Variants in KLHL29 observed in about 807,000 individuals in gnomAD.
The protein encoded by KLHL29 is kelch like family member 29.
Under a neutral mutation model 80.4 loss-of-function variants are expected in KLHL29, and 21 were observed. That is an observed-to-expected ratio of 0.26 (90% CI 0.19 to 0.38). The LOEUF is 0.38. Among genes scored for constraint, KLHL29 ranks in the 10% least tolerant of loss-of-function variants. KLHL29 has a pLI of 1.00. For synonymous variants in KLHL29, 511 were observed against 526.8 expected, an observed-to-expected ratio of 0.97 and a Z score of 0.41; for missense variants, 867 against 1,223.9, an observed-to-expected ratio of 0.71 and a Z score of 4.35.
chr2:23,479,826 C>T (rs1664738731), intron 2 of KLHL29, among the ~76,000 whole-genome samples: 1 of 152,212 alleles, frequency 6.6e-6, no homozygotes, highest in Admixed American at 6.5e-5. Flanking sequence ...ACCCTGAGCT[C>T]ACTGAGGACA....
At chr2:23,547,786 A>G (rs1007528298) in intron 2 of KLHL29, among the ~76,000 whole-genome samples, 1 of 152,176 alleles carries the variant, frequency 6.6e-6, no homozygotes, top group African/African-American at 2.4e-5. Context: ...GTTCAGCCTC[A>G]GAAACCAGTT....
At chr2:23,536,315 A>C (rs1358972601) in intron 2 of KLHL29, among the ~76,000 whole-genome samples, 2 of 152,124 alleles carry the variant, frequency 1.3e-5, no homozygotes, top group Non-Finnish European at 2.9e-5. Flanking sequence ...CATCCTCAAG[A>C]CCCAAGGGGC....
At chr2:23,532,872 A>G (rs1666540054) in intron 2 of KLHL29, among the ~76,000 whole-genome samples, 1 of 152,196 alleles carries the variant, frequency 6.6e-6, no homozygotes. Flanking sequence ...AGAGAGACGA[A>G]CTTTTGTTGA....
chr2:23,549,896 C>G (rs549589504), intron 2 of KLHL29, among the ~76,000 whole-genome samples: 1 of 152,212 alleles, frequency 6.6e-6, no homozygotes, highest in Admixed American at 6.5e-5. Context: ...TGCTGCCTTT[C>G]GCCACCCATC....
At chr2:23,552,761 C>CTTTTCTTTTTTTTTTTTTTTTTTTT (rs71400590) in intron 2 of KLHL29, among the ~76,000 whole-genome samples, 1 of 95,576 alleles carries the variant, frequency 1.0e-5, no homozygotes, top group African/African-American at 4.7e-5. Context: ...GGTTTCTTTT[C>CTTTTCTTTTTTTTTTTTTTTTTTTT]TTTTTTTTTT....
intron 1 of KLHL29, among the ~76,000 whole-genome samples, chr2:23,430,395 C>T (rs1033090149): frequency 3.3e-5 from 5 of 152,242 alleles, no homozygotes; most frequent in Non-Finnish European, 7.3e-5. Flanking sequence ...TTTGGCTTCA[C>T]ACAGATCACT....
chr2:23,505,705 C>A (rs1158160553), intron 2 of KLHL29, among the ~76,000 whole-genome samples: 1 of 152,216 alleles, frequency 6.6e-6, no homozygotes, highest in Admixed American at 6.5e-5. Flanking sequence ...GATGGAAGCT[C>A]CTACTAGACT....
intron 2 of KLHL29, among the ~76,000 whole-genome samples, chr2:23,545,930 A>G (rs933690315): frequency 6.6e-6 from 1 of 152,066 alleles, no homozygotes; most frequent in Non-Finnish European, 1.5e-5. Flanking sequence ...CCCTTTGTTG[A>G]GCCCCAGACA....
At chr2:23,466,632 T>G (rs188581411) in intron 1 of KLHL29, among the ~76,000 whole-genome samples, 1 of 152,352 alleles carries the variant, frequency 6.6e-6, no homozygotes, top group African/African-American at 2.4e-5. Flanking sequence ...CTGTGTTCAT[T>G]AGCTGTTTGT....
chr2:23,532,491 T>C (rs929416481), intron 2 of KLHL29: 1 of 444,758 alleles, frequency 2.2e-6, no homozygotes, highest in Non-Finnish European at 4.5e-6. Context: ...AGGCCCCTGC[T>C]AGTGGAGCTT....
At chr2:23,436,768 A>G (rs1663357814) in intron 1 of KLHL29, among the ~76,000 whole-genome samples, 1 of 152,222 alleles carries the variant, frequency 6.6e-6, no homozygotes, top group Admixed American at 6.5e-5. Flanking sequence ...TTGGGGCACC[A>G]TTTAAGCCCA....
chr2:23,525,726 G>T (rs1200804314), intron 2 of KLHL29, among the ~76,000 whole-genome samples: 4 of 62,574 alleles, frequency 6.4e-5, no homozygotes, highest in Non-Finnish European at 8.6e-5. Context: ...CCCAGCCCCT[G>T]CCCCCCCCCC....
chr2:23,417,165 G>T (rs1454493103), intron 1 of KLHL29, among the ~76,000 whole-genome samples: 2 of 151,998 alleles, frequency 1.3e-5, no homozygotes, highest in Admixed American at 1.3e-4. Context: ...ACCCCTGCTT[G>T]GTTCAGGCTC....
chr2:23,532,118 G>A (rs1031704889), intron 2 of KLHL29, among the ~76,000 whole-genome samples: 2 of 152,126 alleles, frequency 1.3e-5, no homozygotes, highest in Non-Finnish European at 2.9e-5. Flanking sequence ...ACCAGAACCC[G>A]CTCCACTGGG....
At chr2:23,532,655 C>T (rs765719726) in intron 2 of KLHL29, 113 of 456,346 alleles carry the variant, frequency 2.5e-4, no homozygotes, top group Admixed American at 9.9e-4. Flanking sequence ...GAGGCCTGGG[C>T]GGTGGGGAGC....
chr2:23,483,150 G>A (rs149626185), intron 2 of KLHL29, among the ~76,000 whole-genome samples: 1 of 152,260 alleles, frequency 6.6e-6, no homozygotes, highest in African/African-American at 2.4e-5. Context: ...GTATCACAGT[G>A]ACCATATGAG....
At chr2:23,453,537 G>A (rs1376399083) in intron 1 of KLHL29, among the ~76,000 whole-genome samples, 1 of 152,182 alleles carries the variant, frequency 6.6e-6, no homozygotes, top group African/African-American at 2.4e-5. Context: ...GGAGTGCAGT[G>A]GGGGGACCTT....
intron 2 of KLHL29, among the ~76,000 whole-genome samples, chr2:23,561,184 C>G (rs1318539498): frequency 6.6e-6 from 1 of 152,238 alleles, no homozygotes; most frequent in Non-Finnish European, 1.5e-5. Flanking sequence ...GTCTCTGCCT[C>G]TCCATGGCCT....
At chr2:23,464,048 G>A (rs1664284831) in intron 1 of KLHL29, among the ~76,000 whole-genome samples, 1 of 152,186 alleles carries the variant, frequency 6.6e-6, no homozygotes, top group Non-Finnish European at 1.5e-5. Flanking sequence ...TAATGTAGCG[G>A]GTGAAGCCCT....
Sources: allele counts gnomAD v4.1 joint callset (sites outside exome capture counted in the v4.1 genomes callset), GRCh38; gene constraint gnomAD v4.1.1; transcripts MANE v1.5; gene names NCBI Gene and HGNC (gene_info 2026-07-23, HGNC 2026-07-21).